Variants in EXT1 observed in about 807,000 individuals in gnomAD.
The protein encoded by EXT1 is exostosin-1.
A neutral mutation model predicts 82.5 loss-of-function variants in EXT1; 20 were observed. The observed-to-expected ratio is 0.24, with a 90% CI of 0.17 to 0.35. EXT1 has a LOEUF of 0.35. Ranked by LOEUF, EXT1 falls within the 10% of genes least tolerant of loss-of-function variation. The probability of loss-of-function intolerance (pLI) is 1.00; values close to 1 mark genes in which losing one functional copy is unlikely to be tolerated. For missense variants in EXT1, 757 were observed against 936.5 expected (o/e 0.81, Z 2.50); for synonymous variants, 348 against 350.8 (o/e 0.99, Z 0.09).
At chr8:118,026,082 C>A (rs1326216057) in intron 1 of EXT1, among the ~76,000 whole-genome samples, 2 of 152,076 alleles carry the variant, frequency 1.3e-5, no homozygotes, top group Non-Finnish European at 2.9e-5. Context: ...GACCAGTTAC[C>A]CAGCGGTCAC....
chr8:117,875,906 C>T (rs1355158430), intron 1 of EXT1, among the ~76,000 whole-genome samples: 1 of 152,142 alleles, frequency 6.6e-6, no homozygotes, highest in East Asian at 1.9e-4. Context: ...AATTCAAACC[C>T]TCCAGGCAGG....
At position 118,109,359 on chromosome 8, in the gene EXT1, T is replaced by TAA. The variant is rs1817849411; in HGVS notation, c.962+725_962+726insTT. Among the ~76,000 whole-genome samples, 15 of 53,552 alleles carry TAA rather than the reference T, an allele frequency of 2.8e-4. No homozygotes were observed. The South Asian group carries it at 7.2e-3, about 26-fold the overall frequency. The allele number at this position is 53,552 out of a possible 152,430, so 35.1% of individuals were successfully genotyped here. A position where few individuals can be genotyped will look rare whatever the true frequency, so the allele number is the denominator to read the frequency against. On this transcript the variant is annotated intron_variant, in intron 1 of 10. Coordinates refer to ENST00000378204, the MANE Select transcript of EXT1 (RefSeq NM_000127.3). The stretch of plus-strand genomic sequence containing the variant: ...TAGACAGTGAGACTGAGGCCCACAT[T>TAA]TAAAAAAAAAAAAAAAGTTTATCCT...
At chr8:117,880,491 T>C (rs1813040062) in intron 1 of EXT1, among the ~76,000 whole-genome samples, 1 of 152,214 alleles carries the variant, frequency 6.6e-6, no homozygotes, top group African/African-American at 2.4e-5. Context: ...GATTTTGTTT[T>C]CTTATGAATG....
At chr8:117,830,404 T>A in intron 3 of EXT1, 55 bp from the exon 4 acceptor site, 1 of 1,600,286 alleles carries the variant, frequency 6.2e-7, no homozygotes, top group South Asian at 1.1e-5. Context: ...AGAGATGCAC[T>A]TGATCAAAAT....
chr8:117,800,070 T>C (rs1823142838), intron 10 of EXT1, among the ~76,000 whole-genome samples, 173 bp from the exon 11 acceptor site: 2 of 152,188 alleles, frequency 1.3e-5, no homozygotes, highest in South Asian at 4.1e-4. Flanking sequence ...GATATTGGTT[T>C]TTCCCAAGGT....
intron 1 of EXT1, among the ~76,000 whole-genome samples, chr8:118,060,022 C>G (rs1239287471): frequency 6.6e-6 from 1 of 152,152 alleles, no homozygotes; most frequent in Non-Finnish European, 1.5e-5. Context: ...CACTGAACCT[C>G]TAAAAATCTT....
chr8:117,966,939 C>T (rs1177087731), intron 1 of EXT1, among the ~76,000 whole-genome samples: 1 of 152,222 alleles, frequency 6.6e-6, no homozygotes, highest in Non-Finnish European at 1.5e-5. Context: ...AGGTAACCTT[C>T]TATTTCATGC....
At chr8:117,991,932 A>G (rs1298010907) in intron 1 of EXT1, among the ~76,000 whole-genome samples, 1 of 152,228 alleles carries the variant, frequency 6.6e-6, no homozygotes, top group East Asian at 1.9e-4. Context: ...GTCATACAGC[A>G]GGGCACTGAG....
intron 1 of EXT1, among the ~76,000 whole-genome samples, chr8:117,878,603 T>A (rs1322074995): frequency 6.6e-6 from 1 of 152,128 alleles, no homozygotes; most frequent in Non-Finnish European, 1.5e-5. Flanking sequence ...CAGCTTAAAA[T>A]CTCTCAAAGG....
intron 8 of EXT1, among the ~76,000 whole-genome samples, chr8:117,810,853 G>C (rs1187404741): frequency 6.6e-6 from 1 of 152,176 alleles, no homozygotes. Context: ...AATCGAGGCA[G>C]GATAGAGAGA....
intron 1 of EXT1, among the ~76,000 whole-genome samples, chr8:118,064,594 T>C (rs1377836966): frequency 6.6e-6 from 1 of 152,178 alleles, no homozygotes; most frequent in African/African-American, 2.4e-5. Context: ...GGCATCTGGG[T>C]TGGTTCCAAG....
intron 1 of EXT1, among the ~76,000 whole-genome samples, chr8:117,857,770 A>G (rs1392404842): frequency 6.6e-6 from 1 of 152,246 alleles, no homozygotes; most frequent in Non-Finnish European, 1.5e-5. Flanking sequence ...ATAAGGCTAT[A>G]GCTGACAGAG....
Position 117,998,618 on chromosome 8 carries a change from G to T in EXT1, c.962+111467C>A, listed in dbSNP as rs17431208. Among the ~76,000 whole-genome samples the T allele has an allele frequency of 7.4e-3, 1,124 of 152,288 alleles. 6 individuals carry two copies. Among genetic ancestry groups the T allele is most frequent in the South Asian group, 0.02 (99 of 4,830 alleles). On this transcript the variant is annotated intron_variant, in intron 1 of 10. Coordinates refer to ENST00000378204, the MANE Select transcript of EXT1 (RefSeq NM_000127.3). ...TTCTGCATTTTTTAAGGAGGAATTT[G>T]CCTCTTTTGGTAGATTCATGCCTCT...
intron 1 of EXT1, among the ~76,000 whole-genome samples, chr8:117,909,131 C>CAAAA (rs34555532): frequency 6.8e-6 from 1 of 147,728 alleles, no homozygotes; most frequent in Non-Finnish European, 1.5e-5. Flanking sequence ...GACTCTGTCT[C>CAAAA]AAAAAAAAAA....
intron 1 of EXT1, among the ~76,000 whole-genome samples, chr8:118,019,282 A>AGAAAGAAAGAAAGAAG (rs1816059073): frequency 1.3e-5 from 2 of 151,806 alleles, no homozygotes; most frequent in South Asian, 4.1e-4. Context: ...AAAGAAAGAA[A>AGAAAGAAAGAAAGAAG]GAGGAAATGG....
intron 1 of EXT1, among the ~76,000 whole-genome samples, chr8:117,986,194 T>TTCTTTTC (rs376632524): frequency 0.26 from 38,379 of 147,520 alleles, 5,192 homozygotes; most frequent in Middle Eastern, 0.37. Flanking sequence ...TTTCTTTTTT[T>TTCTTTTC]TTTTTTTTTT....
At chr8:117,826,383 C>T (rs1407399802) in intron 4 of EXT1, among the ~76,000 whole-genome samples, 1 of 152,282 alleles carries the variant, frequency 6.6e-6, no homozygotes, top group East Asian at 1.9e-4. Flanking sequence ...AGTCTGAGTA[C>T]AGAACATCCT....
At chr8:117,947,325 CCTTTA>C (rs1162325081) in intron 1 of EXT1, among the ~76,000 whole-genome samples, 2 of 152,064 alleles carry the variant, frequency 1.3e-5, no homozygotes, top group South Asian at 2.1e-4. Context: ...TTCTTTCTTT[CCTTTA>C]ATTTCTTTTG....
chr8:118,103,083 G>A (rs1161232819), intron 1 of EXT1, among the ~76,000 whole-genome samples: 1 of 152,184 alleles, frequency 6.6e-6, no homozygotes, highest in Non-Finnish European at 1.5e-5. Context: ...AATCCGGGAG[G>A]AGGAGGTTGC....
Sources: gnomAD v4.1 joint callset for allele counts (sites outside exome capture counted in the v4.1 genomes callset) on GRCh38, gnomAD v4.1.1 for gene constraint, MANE v1.5 for transcripts, NCBI Gene and HGNC (gene_info 2026-07-23, HGNC 2026-07-21) for gene names.